The following SYT7 variants were observed in gnomAD, a reference collection of about 807,000 sequenced individuals.
SYT7 encodes the protein synaptotagmin-7.
SYT7 carries 29 observed loss-of-function variants against 75.1 expected under a neutral mutation model. That is an observed-to-expected ratio of 0.39 (90% CI 0.29 to 0.53). SYT7 has a LOEUF of 0.53. Among genes scored for constraint, SYT7 ranks in the 20% least tolerant of loss-of-function variants. The probability of loss-of-function intolerance (pLI) is 0.77; values close to 1 mark genes in which losing one functional copy is unlikely to be tolerated. For synonymous variants in SYT7, 376 were observed against 401.7 expected (o/e 0.94, Z 0.76); for missense variants, 693 against 953.2 (o/e 0.73, Z 3.59).
chr11:61,568,783 G>T (rs969879088), intron 1 of SYT7, among the ~76,000 whole-genome samples: 1 of 152,224 alleles, frequency 6.6e-6, no homozygotes, highest in Non-Finnish European at 1.5e-5. Flanking sequence ...CTTGAACTCT[G>T]TAGCACTTTA....
In SYT7 at chr11:61,577,351, C is replaced by T. The variant is rs557737829; in HGVS notation, c.31+3439G>A. On this transcript the variant is annotated intron_variant, in intron 1 of 12. Transcript: ENST00000539008. ...GCCCAGGATGCAGGCCAGGGAGGCC[C>T]GGGCATGTGCCGATGGGGCAGGCTT... Among the ~76,000 whole-genome samples the T allele has an allele frequency of 9.2e-5, 14 of 152,328 alleles. No individual in the cohort carries two copies. In the East Asian group the frequency reaches 1.9e-3, roughly 21 times the overall value.
Position 61,524,007 on chromosome 11 carries a change from C to T in SYT7, c.1642-66G>A. ...CAGAGCTCTCTGATTGGCCTAGCTG[C>T]CCCCAGGTCCCCTCTACCCTGACCT... On this transcript the variant is annotated intron_variant, in intron 10 of 12. Coordinates refer to ENST00000539008, the MANE Select transcript of SYT7 (RefSeq NM_001365809.2). This position sits in a 1 kb window ranked among gnomAD's most constrained non-coding sequence, Gnocchi z 4.1. 2.8e-6 allele frequency: 4 copies of T among 1,406,546 alleles called. No individual in the cohort carries two copies. Among genetic ancestry groups the T allele is most frequent in the Non-Finnish European group, 4.0e-6 (4 of 995,602 alleles). 87.1% of individuals were successfully genotyped at this position (1,406,546 alleles called of 1,614,324 possible).
Position 61,549,428 on chromosome 11 carries a change from G to T in SYT7, c.215+1956C>A, listed in dbSNP as rs536598089. ...AACTTAGTTGGCCGTGAGACCCTTG[G>T]TTCGTGGAATAGCTATGACTCATCT... On this transcript the variant is annotated intron_variant, in intron 3 of 12. Coordinates refer to ENST00000539008, the MANE Select transcript of SYT7 (RefSeq NM_001365809.2). Among the ~76,000 whole-genome samples the T allele has an allele frequency of 1.1e-4, 17 of 152,314 alleles. No individual in the cohort carries two copies. The South Asian group carries it at 2.9e-3, about 26-fold the overall frequency.
In SYT7 at chr11:61,523,033, C is replaced by G. The variant is rs1191819863; in HGVS notation, c.1956+42G>C. 1.2e-6 allele frequency: 2 copies of G among 1,603,136 alleles called. No homozygotes were observed. Among genetic ancestry groups the G allele is most frequent in the Non-Finnish European group, 1.7e-6 (2 of 1,170,734 alleles). ...GCTTCTTTTAAGGAACGGAGCCTCA[C>G]TGGTGCCAGCAGGTGCACCACACCA... On this transcript the variant is annotated intron_variant, in intron 12 of 12. Transcript: ENST00000539008. This position sits in a 1 kb window ranked among gnomAD's most constrained non-coding sequence, Gnocchi z 5.0.
At chr11:61,545,922 G>C (rs946432402) in intron 5 of SYT7, 109 bp downstream of exon 5, 2 of 995,530 alleles carry the variant, frequency 2.0e-6, no homozygotes, top group African/African-American at 3.3e-5. Context: ...CAGGGGCCGA[G>C]GACGGCACCT....
At chr11:61,569,493 C>G (rs932899822) in intron 1 of SYT7, among the ~76,000 whole-genome samples, 5 of 152,164 alleles carry the variant, frequency 3.3e-5, no homozygotes, top group Admixed American at 3.3e-4. Flanking sequence ...TGAGAGAGAC[C>G]TGGGCTCTGG....
chr11:61,559,081 A>G (rs2063575043), intron 1 of SYT7, among the ~76,000 whole-genome samples: 1 of 152,190 alleles, frequency 6.6e-6, no homozygotes, highest in African/African-American at 2.4e-5. Flanking sequence ...ACTTTGGACA[A>G]GTGTATTAAC....
intron 6 of SYT7, chr11:61,539,383 GA>G (rs1172076731): frequency 6.6e-6 from 1 of 152,206 alleles, no homozygotes; most frequent in Non-Finnish European, 1.5e-5. Flanking sequence ...GCCAGGGGGG[GA>G]GAAGGGAGAA....
chr11:61,550,309 G>GC (rs2063311727), intron 3 of SYT7, among the ~76,000 whole-genome samples: 1 of 152,192 alleles, frequency 6.6e-6, no homozygotes, highest in South Asian at 2.1e-4. Context: ...CTGGGAGGGA[G>GC]CCCTCAGGAG....
At chr11:61,554,417 G>C (rs1413141456) in intron 2 of SYT7, among the ~76,000 whole-genome samples, 1 of 152,036 alleles carries the variant, frequency 6.6e-6, no homozygotes, top group Non-Finnish European at 1.5e-5. Flanking sequence ...CCACCACTGA[G>C]GGGTGAACGG....
intron 1 of SYT7, among the ~76,000 whole-genome samples, chr11:61,569,266 G>A (rs1192234184): frequency 6.6e-6 from 1 of 152,176 alleles, no homozygotes; most frequent in Non-Finnish European, 1.5e-5. Context: ...ACCCACAGAG[G>A]GCAGGGGGGT....
chr11:61,513,814 A>G lies in SYT7; in HGVS notation c.*4813T>C, dbSNP rs1009483917. 3.9e-5 allele frequency among the ~76,000 whole-genome samples: 6 copies of G among 152,198 alleles called. No homozygotes were observed. The highest frequency in any genetic ancestry group is 6.5e-5 in the Admixed American group (1 of 15,292). On this transcript the variant is annotated 3_prime_UTR_variant, in exon 13 of 13. Coordinates refer to ENST00000539008, the MANE Select transcript of SYT7 (RefSeq NM_001365809.2). ...GCCCAGGGGGCTCACAATCTACACA[A>G]GACACGACACATACACGCAGGACAC...
the SYT7 span, among the ~76,000 whole-genome samples, chr11:61,588,077 C>A: frequency 2.0e-5 from 3 of 152,206 alleles, no homozygotes; most frequent in African/African-American, 7.2e-5. Context: ...GTGACTGTCC[C>A]GGTTCCGCGA....
intron 1 of SYT7, among the ~76,000 whole-genome samples, chr11:61,567,191 T>C (rs139433473): frequency 6.6e-6 from 1 of 152,296 alleles, no homozygotes; most frequent in African/African-American, 2.4e-5. Flanking sequence ...TCACTTCCAG[T>C]TGTGTGACCT....
At chr11:61,531,165 A>G (rs1459152569) in intron 8 of SYT7, 2 of 981,758 alleles carry the variant, frequency 2.0e-6, no homozygotes, top group African/African-American at 3.5e-5. Flanking sequence ...GGCTGTTAAC[A>G]TCAACGACCT....
At chr11:61,532,855 C>A in intron 8 of SYT7, 134 bp downstream of exon 8, 1 of 1,339,594 alleles carries the variant, frequency 7.5e-7, no homozygotes, top group Non-Finnish European at 9.9e-7. Context: ...GCCTGGCTCT[C>A]CAGGCTGCTT....
In SYT7 at chr11:61,533,137, G is replaced by A. The variant is rs1442676198; in HGVS notation, c.1065-13C>T. On this transcript the variant is annotated splice_polypyrimidine_tract_variant and intron_variant, in intron 7 of 12. Transcript: ENST00000539008. ...TCCTGCAGGCAACCTGAGGGCAGGG[G>A]AGTCCAAATGAGATTGGGCTGGGAA... 1 of 1,568,426 alleles carries A rather than the reference G, an allele frequency of 6.4e-7. No individual in the cohort carries two copies. Among genetic ancestry groups the A allele is most frequent in the Middle Eastern group, 2.1e-4 (1 of 4,728 alleles).
chr11:61,567,914 C>T (rs906802563), intron 1 of SYT7, among the ~76,000 whole-genome samples: 1 of 152,250 alleles, frequency 6.6e-6, no homozygotes, highest in South Asian at 2.1e-4. Context: ...TTGGGGCTGC[C>T]TGGGTCACAG....
intron 1 of SYT7, among the ~76,000 whole-genome samples, chr11:61,575,440 A>G (rs1437967083): frequency 6.6e-6 from 1 of 152,140 alleles, no homozygotes; most frequent in African/African-American, 2.4e-5. Context: ...CTAGTCACAA[A>G]CACACAGGCG....
Sources: gnomAD v4.1 joint callset for allele counts (sites outside exome capture counted in the v4.1 genomes callset) on GRCh38, gnomAD v4.1.1 for gene constraint, Gnocchi (gnomAD v3.1) non-coding constraint, MANE v1.5 for transcripts, NCBI Gene and HGNC (gene_info 2026-07-23, HGNC 2026-07-21) for gene names.